The following PARVA variants were observed in gnomAD, a reference collection of about 807,000 sequenced individuals.
The protein encoded by PARVA is alpha-parvin.
In PARVA, 25 loss-of-function variants were observed where a neutral mutation model predicts 52.6. The observed-to-expected ratio is 0.48, with a 90% CI of 0.35 to 0.66. PARVA has a LOEUF of 0.66. PARVA is among the 30% of genes least tolerant of loss of function. The probability of loss-of-function intolerance (pLI) is 0.01; values close to 1 mark genes in which losing one functional copy is unlikely to be tolerated. For missense variants in PARVA, 373 were observed against 450.9 expected (o/e 0.83, Z 1.56); for synonymous variants, 185 against 179.1 (o/e 1.03, Z -0.26).
Position 12,518,521 on chromosome 11 carries a change from C to T in PARVA, c.1042+4C>T, listed in dbSNP as rs1379683438. 1 of 1,609,302 alleles carries T rather than the reference C, an allele frequency of 6.2e-7. No homozygotes were observed. The highest frequency in any genetic ancestry group is 8.5e-7 in the Non-Finnish European group (1 of 1,176,338). ...AAGCCAAAACCGCGGCCAGAAGGTACTTTGCTCTTTCCTGGGTTTGTGACA... is the reference window on the plus strand; with the variant it reads ...AAGCCAAAACCGCGGCCAGAAGGTATTTTGCTCTTTCCTGGGTTTGTGACA... On this transcript the variant is annotated splice_donor_region_variant and intron_variant, in intron 12 of 12. Transcript: ENST00000334956.
intron 1 of PARVA, among the ~76,000 whole-genome samples, chr11:12,411,131 A>G (rs1314916554): frequency 6.6e-6 from 1 of 152,234 alleles, no homozygotes; most frequent in African/African-American, 2.4e-5. Context: ...TATAACAGTT[A>G]TAAAGCTTAT....
chr11:12,420,330 T>A (rs541938818), intron 1 of PARVA, among the ~76,000 whole-genome samples: 1 of 152,224 alleles, frequency 6.6e-6, no homozygotes, highest in Non-Finnish European at 1.5e-5. Context: ...TGTGTTTAAT[T>A]TGAACGGGAA....
At chr11:12,423,780 T>C (rs1370434337) in intron 1 of PARVA, among the ~76,000 whole-genome samples, 4 of 152,224 alleles carry the variant, frequency 2.6e-5, no homozygotes, top group African/African-American at 9.6e-5. Flanking sequence ...TCAGGACTTA[T>C]AAGTGCTTGA....
intron 1 of PARVA, among the ~76,000 whole-genome samples, chr11:12,382,020 A>T (rs1939496490): frequency 6.6e-6 from 1 of 152,224 alleles, no homozygotes; most frequent in African/African-American, 2.4e-5. Context: ...TAACTGCGGT[A>T]CACAATTTAC....
intron 1 of PARVA, among the ~76,000 whole-genome samples, chr11:12,409,435 A>C (rs928181527): frequency 4.6e-5 from 7 of 152,164 alleles, no homozygotes; most frequent in Non-Finnish European, 8.8e-5. Flanking sequence ...TTGCAGATGG[A>C]GTTAAGGTTG....
intron 1 of PARVA, among the ~76,000 whole-genome samples, chr11:12,409,869 T>C (rs919657580): frequency 1.3e-5 from 2 of 152,256 alleles, no homozygotes; most frequent in African/African-American, 2.4e-5. Context: ...TGCAGTTTAG[T>C]ACATTCCAGT....
chr11:12,383,258 G>A (rs1589935638), intron 1 of PARVA, among the ~76,000 whole-genome samples: 1 of 152,230 alleles, frequency 6.6e-6, no homozygotes, highest in East Asian at 1.9e-4. Flanking sequence ...TGCCCTTTCA[G>A]AGTCTACTTG....
intron 1 of PARVA, among the ~76,000 whole-genome samples, chr11:12,459,221 G>A (rs1940740271): frequency 6.6e-6 from 1 of 151,036 alleles, no homozygotes; most frequent in Non-Finnish European, 1.5e-5. Flanking sequence ...GGGCAACATG[G>A]TGAAACCCTG....
intron 4 of PARVA, 87 bp from the exon 5 acceptor site, chr11:12,496,371 A>ATGCATGAGTGCATGT: frequency 3.0e-6 from 3 of 998,120 alleles, no homozygotes; most frequent in Non-Finnish European, 4.1e-6. Context: ...TGAGTGCATG[A>ATGCATGAGTGCATGT]GAGACCGAAT....
intron 1 of PARVA, among the ~76,000 whole-genome samples, chr11:12,389,551 A>G (rs114351680): frequency 6.6e-6 from 1 of 152,332 alleles, no homozygotes; most frequent in African/African-American, 2.4e-5. Flanking sequence ...TGAGTGCTGC[A>G]GTAGAAGCAT....
At chr11:12,454,449 AT>A (rs1302374031) in intron 1 of PARVA, among the ~76,000 whole-genome samples, 14 of 151,870 alleles carry the variant, frequency 9.2e-5, no homozygotes, top group African/African-American at 2.4e-4. Context: ...TTAGTTGAAT[AT>A]TTTTTTCAGA....
intron 12 of PARVA, among the ~76,000 whole-genome samples, chr11:12,521,982 T>C (rs1941642546): frequency 7.9e-5 from 12 of 152,220 alleles, no homozygotes; most frequent in Admixed American, 7.9e-4. Flanking sequence ...TGAGATGGAT[T>C]TGGGGCTTTT....
rs139774831 is a variant in PARVA, at chr11:12,384,140, A to T, written c.136+6357A>T. 1.5e-3 allele frequency among the ~76,000 whole-genome samples: 231 copies of T among 152,258 alleles called. 1 individual carries two copies. The highest frequency in any genetic ancestry group is 5.2e-3 in the African/African-American group (216 of 41,552). The stretch of plus-strand genomic sequence containing the variant: ...TTCCTCCCAGACTTGGCATAGCCAG[A>T]TATGCTATTTCTCATATCCCATCTT... On this transcript the variant is annotated intron_variant, in intron 1 of 12. Transcript: ENST00000334956.
intron 1 of PARVA, among the ~76,000 whole-genome samples, chr11:12,396,234 A>G (rs1021314256): frequency 3.9e-5 from 6 of 152,234 alleles, no homozygotes; most frequent in African/African-American, 2.4e-5. Context: ...TTTGCCCACT[A>G]TAACACAGCT....
At chr11:12,498,442 G>GA in intron 5 of PARVA, among the ~76,000 whole-genome samples, 1 of 152,122 alleles carries the variant, frequency 6.6e-6, no homozygotes, top group Non-Finnish European at 1.5e-5. Context: ...ATGTGTGCAA[G>GA]AAAAATCATC....
At chr11:12,444,236 TG>T (rs1403969465) in intron 1 of PARVA, among the ~76,000 whole-genome samples, 12 of 152,060 alleles carry the variant, frequency 7.9e-5, no homozygotes, top group Admixed American at 2.6e-4. Flanking sequence ...GCAGTGCTGT[TG>T]GTAAGAGGTG....
intron 1 of PARVA, among the ~76,000 whole-genome samples, chr11:12,426,405 G>A (rs548338737): frequency 6.6e-6 from 1 of 152,078 alleles, no homozygotes; most frequent in South Asian, 2.1e-4. Context: ...AGGAGGGGGA[G>A]TGGCATGGGG....
At chr11:12,468,043 G>C (rs1409641863) in intron 1 of PARVA, among the ~76,000 whole-genome samples, 1 of 152,162 alleles carries the variant, frequency 6.6e-6, no homozygotes, top group African/African-American at 2.4e-5. Flanking sequence ...GTGCACCTGT[G>C]TTGGTTGAAA....
intron 10 of PARVA, among the ~76,000 whole-genome samples, chr11:12,515,584 T>G (rs1308428306): frequency 6.6e-6 from 1 of 152,110 alleles, no homozygotes; most frequent in African/African-American, 2.4e-5. Context: ...TGAGGAGCAG[T>G]CTAAGCCTGG....
Sources: gnomAD v4.1 joint callset for allele counts (sites outside exome capture counted in the v4.1 genomes callset) on GRCh38, gnomAD v4.1.1 for gene constraint, MANE v1.5 for transcripts, NCBI Gene and HGNC (gene_info 2026-07-23, HGNC 2026-07-21) for gene names.